The following UNC79 variants were observed in gnomAD, a reference collection of about 807,000 sequenced individuals.
The protein encoded by UNC79 is unc-79 subunit of NALCN channel complex.
Under a neutral mutation model 283.1 loss-of-function variants are expected in UNC79, and 37 were observed. That is an observed-to-expected ratio of 0.13 (90% CI 0.10 to 0.17). UNC79 has a LOEUF of 0.17. Among genes scored for constraint, UNC79 ranks in the 10% least tolerant of loss-of-function variants. UNC79 has a pLI of 1.00. For missense variants in UNC79, 2,272 were observed against 3,211.1 expected (o/e 0.71, Z 7.07); for synonymous variants, 1,107 against 1,200.2 (o/e 0.92, Z 1.61).
At chr14:93,411,885 C>A (rs577443972) in intron 1 of UNC79, among the ~76,000 whole-genome samples, 1 of 152,310 alleles carries the variant, frequency 6.6e-6, no homozygotes, top group East Asian at 1.9e-4. Flanking sequence ...CAGACGCAGA[C>A]AAACATCTGT....
intron 4 of UNC79, among the ~76,000 whole-genome samples, chr14:93,486,543 A>C (rs549255781): frequency 6.6e-6 from 1 of 151,288 alleles, no homozygotes; most frequent in Admixed American, 6.6e-5. Context: ...AATCCCAGCT[A>C]CTCGGGAGGC....
At chr14:93,697,925 G>A in intron 47 of UNC79, among the ~76,000 whole-genome samples, 1 of 152,188 alleles carries the variant, frequency 6.6e-6, no homozygotes, top group Non-Finnish European at 1.5e-5. Flanking sequence ...CAACAATTTG[G>A]CATGTTGTGT....
intron 14 of UNC79, among the ~76,000 whole-genome samples, chr14:93,560,068 G>A (rs1002584664): frequency 3.9e-5 from 6 of 152,050 alleles, no homozygotes; most frequent in African/African-American, 7.3e-5. Flanking sequence ...AGCATTTGTC[G>A]TATAGAATGA....
intron 7 of UNC79, among the ~76,000 whole-genome samples, chr14:93,503,274 T>C (rs1456613004): frequency 1.3e-5 from 2 of 152,178 alleles, no homozygotes; most frequent in Non-Finnish European, 2.9e-5. Context: ...ACCAAATGAA[T>C]GTACCATAGT....
rs561616642 is a variant in UNC79, at chr14:93,361,073, G to C, written c.-351+27550G>C. Among the ~76,000 whole-genome samples the C allele has an allele frequency of 4.0e-5, 6 of 151,832 alleles. No individual in the cohort carries two copies. In the South Asian group the frequency reaches 1.2e-3, roughly 32 times the overall value. The stretch of plus-strand genomic sequence containing the variant: ...TACTAAAAATACAAAAATTACCCGG[G>C]CATGGTGGTACACGCCTGTAATCCC... On this transcript the variant is annotated intron_variant, in intron 1 of 49. Transcript: ENST00000256339.
At chr14:93,555,051 T>C (rs72691087) in intron 14 of UNC79, among the ~76,000 whole-genome samples, 4,916 of 152,302 alleles carry the variant, frequency 0.032, 177 homozygotes, top group Admixed American at 0.11. Context: ...TCAAAAGTCA[T>C]AGAAGCAGTT....
At chr14:93,613,050 T>C in exon 27 of UNC79, 1 of 1,614,234 alleles carries the variant, frequency 6.2e-7, no homozygotes, top group Non-Finnish European at 8.5e-7. Flanking sequence ...GCCTGTCAAC[T>C]TGCTTTAATG....
At chr14:93,597,484 G>T (rs775456830) in exon 24 of UNC79, 2 of 1,614,034 alleles carry the variant, frequency 1.2e-6, no homozygotes, top group Middle Eastern at 1.7e-4. Context: ...TGTCAACCCC[G>T]CAGTGGCTAC....
At chr14:93,384,765 G>A (rs2054734701) in intron 1 of UNC79, among the ~76,000 whole-genome samples, 2 of 151,992 alleles carry the variant, frequency 1.3e-5, no homozygotes, top group South Asian at 4.1e-4. Context: ...ATCACTTAAT[G>A]TCCTAGAGAG....
At position 93,470,123 on chromosome 14, in the gene UNC79, C is replaced by T. The variant is rs369549556; in HGVS notation, c.143+2332C>T. On this transcript the variant is annotated intron_variant, in intron 2 of 48. Transcript: ENST00000555664. The stretch of plus-strand genomic sequence containing the variant: ...AGAAAGAATTAGAGATGAATTCTCA[C>T]GAAGTAACTATTTGTCTTTCTATGT... Among the ~76,000 whole-genome samples, 10 of 152,178 alleles carry T rather than the reference C, an allele frequency of 6.6e-5. No individual in the cohort carries two copies. The East Asian group carries it at 7.7e-4, about 12-fold the overall frequency.
intron 34 of UNC79, among the ~76,000 whole-genome samples, chr14:93,644,192 G>A (rs923211867): frequency 6.6e-6 from 1 of 152,208 alleles, no homozygotes; most frequent in African/African-American, 2.4e-5. Context: ...ATAAAAGAAG[G>A]ATGCACACAT....
intron 1 of UNC79, among the ~76,000 whole-genome samples, chr14:93,395,951 A>C (rs1214477102): frequency 2.0e-5 from 3 of 152,102 alleles, no homozygotes; most frequent in Non-Finnish European, 2.9e-5. Flanking sequence ...AATTATTGGC[A>C]AATATTTCTT....
Position 93,467,669 on chromosome 14 carries a change from A to G in UNC79, c.23-2A>G. 1 of 251,796 alleles carries G rather than the reference A, an allele frequency of 4.0e-6. No individual in the cohort carries two copies. The highest frequency in any genetic ancestry group is 5.2e-6 in the Non-Finnish European group (1 of 192,786). The allele number at this position is 251,796 out of a possible 1,614,324, so 15.6% of individuals were successfully genotyped here. On this transcript the variant is annotated splice_acceptor_variant, in intron 1 of 48. Transcript: ENST00000555664. LOFTEE classifies it high-confidence loss of function. ...TTTTTTTTTTTTTTTGCTTTTATCT[A>G]GTTGCTTCCAAGATCCGGTACTTGC...
chr14:93,647,777 A>G (rs1346766603), intron 35 of UNC79, among the ~76,000 whole-genome samples: 1 of 152,188 alleles, frequency 6.6e-6, no homozygotes, highest in Non-Finnish European at 1.5e-5. Flanking sequence ...GACATGCCTA[A>G]GACTGGGTAA....
chr14:93,582,489 G>C, intron 20 of UNC79, 145 bp downstream of exon 20: 1 of 1,231,744 alleles, frequency 8.1e-7, no homozygotes, highest in Non-Finnish European at 1.1e-6. Context: ...ATCTCCCAGC[G>C]GATTATAAAA....
At chr14:93,599,244 G>A (rs2065312828) in intron 24 of UNC79, among the ~76,000 whole-genome samples, 1 of 152,088 alleles carries the variant, frequency 6.6e-6, no homozygotes, top group Non-Finnish European at 1.5e-5. Flanking sequence ...CTCATTTTAT[G>A]GATAGAGATG....
At chr14:93,463,170 G>A (rs1486158073) in intron 1 of UNC79, among the ~76,000 whole-genome samples, 2 of 152,136 alleles carry the variant, frequency 1.3e-5, no homozygotes, top group Non-Finnish European at 2.9e-5. Context: ...GGGACGCCAA[G>A]GGGAGAGAGT....
At chr14:93,693,922 C>A (rs2074897867) in intron 46 of UNC79, among the ~76,000 whole-genome samples, 1 of 152,052 alleles carries the variant, frequency 6.6e-6, no homozygotes, top group Non-Finnish European at 1.5e-5. Flanking sequence ...AAAAGTAATT[C>A]AAGCATTTGT....
In UNC79 at chr14:93,602,154, T is replaced by C. The variant is rs548278335; in HGVS notation, c.3575-1085T>C. Among the ~76,000 whole-genome samples, 9 of 152,294 alleles carry C rather than the reference T, an allele frequency of 5.9e-5. No individual in the cohort carries two copies. In the South Asian group the frequency reaches 1.9e-3, roughly 32 times the overall value. On this transcript the variant is annotated intron_variant, in intron 25 of 48. Transcript: ENST00000555664. ...TGTTTTTGTTGCATTTGCTTTTGAG[T>C]ACTTGGTCATGAACTCTTTGCCTAA...
Sources: allele counts gnomAD v4.1 joint callset (sites outside exome capture counted in the v4.1 genomes callset), GRCh38; gene constraint gnomAD v4.1.1; transcripts MANE v1.5; gene names NCBI Gene and HGNC (gene_info 2026-07-23, HGNC 2026-07-21).